NOS1AP: variants seen among roughly 807,000 people sequenced by gnomAD.
NOS1AP encodes the protein carboxyl-terminal PDZ ligand of neuronal nitric oxide synthase protein.
NOS1AP carries 21 observed loss-of-function variants against 56.2 expected under a neutral mutation model. That is an observed-to-expected ratio of 0.37 (90% CI 0.26 to 0.54). The LOEUF is 0.54. Ranked by LOEUF, NOS1AP falls within the 20% of genes least tolerant of loss-of-function variation. The probability of loss-of-function intolerance (pLI) is 0.84; values close to 1 mark genes in which losing one functional copy is unlikely to be tolerated. For synonymous variants in NOS1AP, 270 were observed against 274.6 expected (o/e 0.98, Z 0.17); for missense variants, 522 against 657.8 (o/e 0.79, Z 2.26).
chr1:162,245,886 T>C (rs1159910768), intron 2 of NOS1AP, among the ~76,000 whole-genome samples: 2 of 152,276 alleles, frequency 1.3e-5, no homozygotes, highest in South Asian at 4.1e-4. Context: ...TAGCTTATGA[T>C]GGATTAACGT....
chr1:162,303,551 C>T (rs1655727346), intron 4 of NOS1AP, among the ~76,000 whole-genome samples: 1 of 152,182 alleles, frequency 6.6e-6, no homozygotes, highest in Non-Finnish European at 1.5e-5. Flanking sequence ...GAGCAATTCC[C>T]TCCCCTCAGC....
intron 2 of NOS1AP, among the ~76,000 whole-genome samples, chr1:162,228,687 G>C (rs905853112): frequency 6.6e-6 from 1 of 152,222 alleles, no homozygotes; most frequent in Non-Finnish European, 1.5e-5. Flanking sequence ...ATGGATCAAG[G>C]TTCCTTTTCT....
At chr1:162,343,739 T>G in intron 5 of NOS1AP, 96 bp from the exon 6 acceptor site, 2 of 1,447,190 alleles carry the variant, frequency 1.4e-6, no homozygotes, top group Non-Finnish European at 1.9e-6. Flanking sequence ...CAACTTTAGA[T>G]TTTTCTGTCT....
At chr1:162,201,625 T>C (rs1049345517) in intron 2 of NOS1AP, among the ~76,000 whole-genome samples, 5 of 152,192 alleles carry the variant, frequency 3.3e-5, no homozygotes, top group Non-Finnish European at 2.9e-5. Flanking sequence ...ATTTTTTGAC[T>C]TTTTAGTAAT....
At chr1:162,198,687 A>T (rs1166424648) in intron 2 of NOS1AP, among the ~76,000 whole-genome samples, 4 of 152,148 alleles carry the variant, frequency 2.6e-5, no homozygotes, top group African/African-American at 9.7e-5. Context: ...TAATCCACTG[A>T]TTCTTTCATT....
At chr1:162,278,664 CGTGTGTGT>C (rs57058985) in intron 2 of NOS1AP, among the ~76,000 whole-genome samples, 7,544 of 143,160 alleles carry the variant, frequency 0.053, 327 homozygotes, top group East Asian at 0.14. Flanking sequence ...ACTCCTTCTA[CGTGTGTGT>C]GTGTGTGTGT....
chr1:162,126,112 T>C (rs1243550259), intron 1 of NOS1AP, among the ~76,000 whole-genome samples: 1 of 152,224 alleles, frequency 6.6e-6, no homozygotes, highest in East Asian at 1.9e-4. Flanking sequence ...GTGCTATTGA[T>C]TTATGTACAT....
chr1:162,363,016 A>C (rs779850141), intron 8 of NOS1AP: 8 of 543,484 alleles, frequency 1.5e-5, no homozygotes, highest in Non-Finnish European at 1.9e-5. Flanking sequence ...TTTCCCACAC[A>C]CCAAGCAAGC....
At chr1:162,086,392 A>G (rs1438588434) in intron 1 of NOS1AP, among the ~76,000 whole-genome samples, 1 of 152,086 alleles carries the variant, frequency 6.6e-6, no homozygotes, top group Admixed American at 6.6e-5. Flanking sequence ...GTTAATATTT[A>G]TCCACTGTAT....
chr1:162,240,615 C>T (rs1653461013), intron 2 of NOS1AP, among the ~76,000 whole-genome samples: 1 of 152,214 alleles, frequency 6.6e-6, no homozygotes, highest in Non-Finnish European at 1.5e-5. Flanking sequence ...AAAACAAAAA[C>T]TACAAACGTG....
intron 4 of NOS1AP, among the ~76,000 whole-genome samples, chr1:162,328,603 T>C (rs1272571178): frequency 6.6e-6 from 1 of 152,200 alleles, no homozygotes; most frequent in African/African-American, 2.4e-5. Flanking sequence ...ACAATGATCA[T>C]ACCTGTTTCA....
At chr1:162,218,789 G>A (rs1652668953) in intron 2 of NOS1AP, among the ~76,000 whole-genome samples, 1 of 152,104 alleles carries the variant, frequency 6.6e-6, no homozygotes, top group African/African-American at 2.4e-5. Flanking sequence ...CTGCTTGCCT[G>A]GTGTTGCTTT....
At chr1:162,296,818 C>G (rs1012710292) in intron 3 of NOS1AP, among the ~76,000 whole-genome samples, 2 of 152,172 alleles carry the variant, frequency 1.3e-5, no homozygotes, top group African/African-American at 2.4e-5. Flanking sequence ...TTGGAAGAAA[C>G]ATGAACTGGC....
chr1:162,086,874 C>T (rs1256869176), intron 1 of NOS1AP, among the ~76,000 whole-genome samples: 3 of 152,172 alleles, frequency 2.0e-5, no homozygotes, highest in Non-Finnish European at 4.4e-5. Context: ...TGGCCTGAAG[C>T]TGGCTTTGTA....
chr1:162,103,292 G>A (rs949982146), intron 1 of NOS1AP, among the ~76,000 whole-genome samples: 8 of 152,086 alleles, frequency 5.3e-5, no homozygotes. Context: ...GCTATGGTAT[G>A]AGAGACTGTT....
At chr1:162,089,995 A>G (rs539515405) in intron 1 of NOS1AP, among the ~76,000 whole-genome samples, 74 of 152,314 alleles carry the variant, frequency 4.9e-4, no homozygotes, top group African/African-American at 1.5e-3. Flanking sequence ...ACATTATAAT[A>G]TTTCCTTTTT....
chr1:162,280,033 G>A (rs906238147), intron 2 of NOS1AP, among the ~76,000 whole-genome samples: 1 of 152,150 alleles, frequency 6.6e-6, no homozygotes, highest in Non-Finnish European at 1.5e-5. Flanking sequence ...ACTATTTCAG[G>A]CTGGGTGCAG....
Position 162,070,287 on chromosome 1 carries a change from G to T in NOS1AP, c.105+5G>T, listed in dbSNP as rs1432916751. The T allele has an allele frequency of 6.2e-7, 1 of 1,609,508 alleles. No homozygotes were observed. Among genetic ancestry groups the T allele is most frequent in the Non-Finnish European group, 8.5e-7 (1 of 1,176,388 alleles). On this transcript the variant is annotated splice_donor_5th_base_variant and intron_variant, in intron 1 of 9. Coordinates refer to ENST00000361897, the MANE Select transcript of NOS1AP (RefSeq NM_014697.3). The stretch of plus-strand genomic sequence containing the variant: ...GGCATCTGCTTTGAGGCCAAGGTGA[G>T]GGGGCTCCGGGGAGGGTGCTACCTG...
rs56264198 is a variant in NOS1AP, at chr1:162,125,130, CTTTTTT to C, written c.106-29259_106-29254del. 2.3e-4 allele frequency among the ~76,000 whole-genome samples: 29 copies of C among 124,136 alleles called. 1 individual carries two copies. The highest frequency in any genetic ancestry group is 7.1e-4 in the African/African-American group (22 of 30,952). 81.4% of individuals were successfully genotyped at this position (124,136 alleles called of 152,430 possible). On this transcript the variant is annotated intron_variant, in intron 1 of 9. Transcript: ENST00000361897. ...ATGCCAACATCTATTGTTTCTGACT[CTTTTTT>C]TTTTTTTTTTTTTTTAAGACGGAGT...
Sources: allele counts gnomAD v4.1 joint callset (sites outside exome capture counted in the v4.1 genomes callset), GRCh38; gene constraint gnomAD v4.1.1; transcripts MANE v1.5; gene names NCBI Gene and HGNC (gene_info 2026-07-23, HGNC 2026-07-21).